The following PCDH15 variants were observed in gnomAD, a reference collection of about 807,000 sequenced individuals.
PCDH15 encodes the protein protocadherin related 15.
Under a neutral mutation model 178.5 loss-of-function variants are expected in PCDH15, and 129 were observed. That is an observed-to-expected ratio of 0.72 (90% confidence interval 0.63 to 0.84). The LOEUF (loss-of-function observed/expected upper bound fraction) is 0.84. Among genes scored for constraint, PCDH15 ranks in the 40% least tolerant of loss-of-function variants. The pLI, the probability that PCDH15 is intolerant of heterozygous loss-of-function variation, is 0.00. For synonymous variants in PCDH15, 800 were observed against 732.0 expected, an observed-to-expected ratio of 1.09 and a Z score of -1.50; for missense variants, 2,230 against 2,099.9, an observed-to-expected ratio of 1.06 and a Z score of -1.21.
chr10:55,088,694 C>T (rs1223923784), intron 2 of PCDH15, among the ~76,000 whole-genome samples: 1 of 152,020 alleles, frequency 6.6e-6, no homozygotes, highest in African/African-American at 2.4e-5. Context: ...CATATATTTG[C>T]ATATTCATTA....
intron 2 of PCDH15, chr10:54,600,368 G>A (rs2092465917): frequency 3.7e-6 from 2 of 541,244 alleles, no homozygotes; most frequent in Non-Finnish European, 7.3e-6. Context: ...AAAGAGAAGG[G>A]AGAGCAGGAG....
chr10:54,819,081 C>T (rs547151061), intron 3 of PCDH15, among the ~76,000 whole-genome samples: 4 of 152,086 alleles, frequency 2.6e-5, no homozygotes, highest in Admixed American at 2.0e-4. Flanking sequence ...TGAGCCACTG[C>T]ACCTGACCTA....
intron 25 of PCDH15, among the ~76,000 whole-genome samples, chr10:53,935,224 T>G (rs927437142): frequency 2.6e-5 from 4 of 152,220 alleles, no homozygotes; most frequent in African/African-American, 9.6e-5. Context: ...GTCTTCAATG[T>G]TAAAGCCCTA....
At chr10:54,737,258 C>A (rs1189355454) in intron 1 of PCDH15, among the ~76,000 whole-genome samples, 1 of 152,056 alleles carries the variant, frequency 6.6e-6, no homozygotes, top group Non-Finnish European at 1.5e-5. Flanking sequence ...ACTGAAAGAA[C>A]CTGAAGTGGC....
chr10:54,335,194 T>C (rs919869783), intron 6 of PCDH15, among the ~76,000 whole-genome samples: 1 of 152,220 alleles, frequency 6.6e-6, no homozygotes, highest in Non-Finnish European at 1.5e-5. Context: ...CAGGCAACAT[T>C]AACTTTGCTC....
At chr10:54,590,132 G>A (rs7083083) in intron 2 of PCDH15, among the ~76,000 whole-genome samples, 144,900 of 152,274 alleles carry the variant, frequency 0.95, 69,077 homozygotes, top group Middle Eastern at 0.98. Flanking sequence ...TTAATTTAAT[G>A]TTATTTTATT....
intron 2 of PCDH15, among the ~76,000 whole-genome samples, chr10:55,525,398 A>C (rs180687793): frequency 1.3e-3 from 201 of 152,024 alleles, no homozygotes; most frequent in African/African-American, 4.6e-3. Flanking sequence ...TAATTTTTAT[A>C]ATAGTGAAAG....
chr10:55,483,570 G>T (rs1307914232), intron 2 of PCDH15, among the ~76,000 whole-genome samples: 2 of 151,764 alleles, frequency 1.3e-5, no homozygotes, highest in Non-Finnish European at 2.9e-5. Flanking sequence ...AGACAGTGTG[G>T]CAATTCCTCA....
At chr10:55,119,014 G>A (rs952456899) in intron 2 of PCDH15, among the ~76,000 whole-genome samples, 6 of 152,042 alleles carry the variant, frequency 3.9e-5, no homozygotes, top group Non-Finnish European at 8.8e-5. Context: ...CTGTTCAATG[G>A]GCAGCCAGTT....
chr10:55,129,849 T>C (rs1837996991), intron 2 of PCDH15, among the ~76,000 whole-genome samples: 1 of 152,164 alleles, frequency 6.6e-6, no homozygotes, highest in South Asian at 2.1e-4. Flanking sequence ...TTTATTTATA[T>C]ATCAGTTGAG....
intron 2 of PCDH15, among the ~76,000 whole-genome samples, chr10:55,386,639 T>G (rs549144121): frequency 3.9e-5 from 6 of 152,144 alleles, no homozygotes; most frequent in African/African-American, 1.4e-4. Context: ...GAAATAACTA[T>G]CCAGCATGTC....
chr10:54,317,176 G>A, intron 8 of PCDH15, 95 bp downstream of exon 8: 1 of 1,342,956 alleles, frequency 7.4e-7, no homozygotes, highest in Middle Eastern at 1.9e-4. Flanking sequence ...ACTGAGTTTT[G>A]CTATTATAAA....
intron 15 of PCDH15, among the ~76,000 whole-genome samples, chr10:54,129,927 T>C (rs1256231409): frequency 6.6e-6 from 1 of 152,112 alleles, no homozygotes; most frequent in African/African-American, 2.4e-5. Context: ...TACATGGAAA[T>C]TTTGTGTTTA....
chr10:54,611,416 G>A (rs1937409), intron 2 of PCDH15, among the ~76,000 whole-genome samples: 95,902 of 151,668 alleles, frequency 0.63, 30,580 homozygotes, highest in East Asian at 0.79. Context: ...AGCATGTGCT[G>A]TAAAAATCCT....
chr10:55,093,984 A>C (rs1842382308), intron 2 of PCDH15, among the ~76,000 whole-genome samples: 1 of 152,072 alleles, frequency 6.6e-6, no homozygotes, highest in Non-Finnish European at 1.5e-5. Flanking sequence ...GACAGTGTGG[A>C]GATTCCTCAA....
intron 2 of PCDH15, among the ~76,000 whole-genome samples, chr10:54,945,493 T>C: frequency 6.6e-6 from 1 of 151,672 alleles, no homozygotes; most frequent in East Asian, 1.9e-4. Context: ...GATGTTGTGA[T>C]TCAGTTTGTC....
intron 9 of PCDH15, among the ~76,000 whole-genome samples, chr10:54,219,789 TAAG>T (rs2052579422): frequency 6.6e-6 from 1 of 151,966 alleles, no homozygotes; most frequent in Non-Finnish European, 1.5e-5. Context: ...TAATATTAAA[TAAG>T]GATTGTTATA....
intron 21 of PCDH15, among the ~76,000 whole-genome samples, chr10:53,994,250 T>C (rs921192849): frequency 1.1e-4 from 17 of 152,260 alleles, no homozygotes; most frequent in African/African-American, 3.6e-4. Context: ...GTCTGTCCCA[T>C]GTAGGTGAAA....
chr10:54,005,620 A>G lies in PCDH15; in HGVS notation c.2752-9855T>C, dbSNP rs377734625. ...AACTTACAATGAGACACCATCTTAC[A>G]CCAGGTAGAATGGCTTTTATCTAAA... is the stretch of plus-strand genomic sequence containing the variant. On this transcript the variant is annotated intron_variant, in intron 20 of 37. Transcript: ENST00000644397. 3.3e-5 allele frequency among the ~76,000 whole-genome samples: 5 copies of G among 152,228 alleles called. No individual in the cohort carries two copies. The East Asian group carries it at 9.7e-4, about 29-fold the overall frequency.
Sources: allele counts gnomAD v4.1 joint callset (sites outside exome capture counted in the v4.1 genomes callset), GRCh38; gene constraint gnomAD v4.1.1; transcripts MANE v1.5; gene names NCBI Gene and HGNC (gene_info 2026-07-23, HGNC 2026-07-21).